SP2: variants seen among roughly 807,000 people sequenced by gnomAD.
SP2 encodes transcription factor Sp2.
In SP2, 9 loss-of-function variants were observed where a neutral mutation model predicts 50.1. The ratio of observed to expected loss-of-function variants is 0.18; its 90% CI spans 0.11 to 0.31. The LOEUF (loss-of-function observed/expected upper bound fraction) is 0.31. Among genes scored for constraint, SP2 ranks in the 10% least tolerant of loss-of-function variants. The probability of loss-of-function intolerance (pLI) is 1.00; values close to 1 mark genes in which losing one functional copy is unlikely to be tolerated. For missense variants in SP2, 581 were observed against 806.5 expected, an observed-to-expected ratio of 0.72 and a Z score of 3.39; for synonymous variants, 313 against 326.6, an observed-to-expected ratio of 0.96 and a Z score of 0.45.
intron 4 of SP2, 31 bp downstream of exon 4, chr17:47,923,305 G>A (rs1211948291): frequency 6.4e-7 from 1 of 1,566,534 alleles, no homozygotes; most frequent in Non-Finnish European, 8.6e-7. Context: ...CAGGGTGTTG[G>A]CAGTGGTACC....
At chr17:47,930,589 C>T (rs181851550), downstream of SP2, among the ~76,000 whole-genome samples, 1 of 152,336 alleles carries the variant, frequency 6.6e-6, no homozygotes, top group African/African-American at 2.4e-5. Flanking sequence ...ACAAGGAAAG[C>T]ACAGAAAGAC....
rs758565733 is a variant in SP2 at position 47,916,279 on chromosome 17, A to G, written c.208A>G (p.Ile70Val). 1 of 1,613,966 alleles carries G rather than the reference A, an allele frequency of 6.2e-7. No individual in the cohort carries two copies. The highest frequency in any genetic ancestry group is 8.5e-7 in the Non-Finnish European group (1 of 1,179,984). Residue 70 changes from isoleucine (I) to valine (V), a missense_variant, in exon 3 of 7, where the codon ATC (isoleucine) becomes GTC (valine). By Grantham distance (29) the Ile-to-Val change is conservative (BLOSUM62 3). This residue lies in a region of SP2 where 397 missense variants were observed against 491.0 expected (regional missense o/e 0.81). Transcript: ENST00000376741. This position sits in a 1 kb window ranked among gnomAD's most constrained non-coding sequence, Gnocchi z 4.7. Reference protein sequence around the residue: ...PQPTPRKLVPIKPAPLPLSPG... With the variant: ...PQPTPRKLVPVKPAPLPLSPG... ...GCCCACACCGCGGAAACTTGTCCCT[A>G]TCAAACCTGCCCCTCTCCCTCTCAG...
At chr17:47,915,285 AT>A in intron 1 of SP2, 26 bp from the exon 2 acceptor site, 1 of 1,551,750 alleles carries the variant, frequency 6.4e-7, no homozygotes, top group Non-Finnish European at 8.8e-7. Context: ...CATTTTATAC[AT>A]TACTCCATCT....
At chr17:47,922,293 C>T (rs1021366127) in intron 3 of SP2, among the ~76,000 whole-genome samples, 3 of 152,200 alleles carry the variant, frequency 2.0e-5, no homozygotes, top group African/African-American at 7.2e-5. Context: ...TTGTCCTGCT[C>T]AGCCTCTAAT....
intron 1 of SP2, chr17:47,908,509 C>A (rs2034852005): frequency 6.6e-6 from 1 of 151,906 alleles, no homozygotes; most frequent in Non-Finnish European, 1.5e-5. Flanking sequence ...GTATAAAAAT[C>A]TTTTTTTTAA....
intron 1 of SP2, among the ~76,000 whole-genome samples, chr17:47,910,448 A>G (rs1037058853): frequency 5.9e-5 from 9 of 151,984 alleles, no homozygotes; most frequent in African/African-American, 2.2e-4. Flanking sequence ...GAACACTACC[A>G]CTCTAAAGGA....
At position 47,916,583 on chromosome 17, in the gene SP2, C is replaced by T. The variant is rs746570213; in HGVS notation, c.512C>T (p.Pro171Leu). Residue 171 changes from proline (P) to leucine (L), a missense_variant, in exon 3 of 7, where the codon CCG becomes CTG. By Grantham distance (98) the Pro-to-Leu change is moderately conservative. This residue lies in a region of SP2 where 397 missense variants were observed against 491.0 expected (regional missense o/e 0.81). Coordinates refer to ENST00000376741, the MANE Select transcript of SP2 (RefSeq NM_003110.6). This position sits in a 1 kb window ranked among gnomAD's most constrained non-coding sequence, Gnocchi z 4.7. Reference protein sequence around the residue: ...GTNQAIITPSPSSHKPVPIKP... With the variant: ...GTNQAIITPSLSSHKPVPIKP... The stretch of plus-strand genomic sequence containing the variant: ...AACCAAGCCATCATCACCCCCTCAC[C>T]GTCCAGTCACAAGCCTGTCCCCATC... 3.7e-6 allele frequency: 6 copies of T among 1,614,132 alleles called. No homozygotes were observed. The highest frequency in any genetic ancestry group is 3.3e-4 in the Middle Eastern group (2 of 6,062).
intron 4 of SP2, 139 bp from the exon 5 acceptor site, chr17:47,924,780 A>C (rs1342112013): frequency 1.3e-5 from 9 of 719,694 alleles, no homozygotes; most frequent in African/African-American, 1.8e-5. Context: ...AAAGGTCCTT[A>C]AAATGATATC....
intron 2 of SP2, 143 bp downstream of exon 2, chr17:47,915,531 G>T: frequency 1.9e-6 from 1 of 517,676 alleles, no homozygotes. Flanking sequence ...TTTCTTTACT[G>T]AGAAACTATG....
At chr17:47,921,584 G>T (rs2035460073) in intron 3 of SP2, among the ~76,000 whole-genome samples, 2 of 152,216 alleles carry the variant, frequency 1.3e-5, no homozygotes, top group South Asian at 2.1e-4. Flanking sequence ...GTTATAATCT[G>T]TTAAGATTAT....
chr17:47,897,916 C>A, intron 1 of SP2: 1 of 973,648 alleles, frequency 1.0e-6, no homozygotes, highest in Non-Finnish European at 1.2e-6. Context: ...TTATCATTGG[C>A]TGGGACGATT....
rs1179672858 is a variant in SP2, at chr17:47,928,738, T to C, written c.*914T>C. 6.5e-6 allele frequency: 1 copy of C among 152,672 alleles called. No homozygotes were observed. The highest frequency in any genetic ancestry group is 1.5e-5 in the Non-Finnish European group (1 of 68,046). 9.5% of individuals were successfully genotyped at this position (152,672 alleles called of 1,614,324 possible). A position where few individuals can be genotyped will look rare whatever the true frequency, so the allele number is the denominator to read the frequency against. On this transcript the variant is annotated 3_prime_UTR_variant, in exon 7 of 7. Transcript: ENST00000376741. ...CAGTGTATATTGTATAATAGACAAT[T>C]GTGTCTACTACATGTTTAAAAACAC...
chr17:47,898,984 A>T (rs1281744130), intron 1 of SP2: 1 of 152,250 alleles, frequency 6.6e-6, no homozygotes, highest in Non-Finnish European at 1.5e-5. Flanking sequence ...ACCAGTATCC[A>T]GTACATTTCT....
At chr17:47,907,583 A>G (rs16949296) in intron 1 of SP2, among the ~76,000 whole-genome samples, 18,757 of 152,206 alleles carry the variant, frequency 0.12, 1,483 homozygotes, top group East Asian at 0.24. Flanking sequence ...TTTGAAAGCA[A>G]TGCAGCTTTT....
chr17:47,898,430 A>C (rs888876090), intron 1 of SP2: 15 of 152,228 alleles, frequency 9.9e-5, no homozygotes, highest in African/African-American at 3.4e-4. Context: ...GATCCCAAGT[A>C]CTGTCAGCAA....
rs1951053589 is a variant in SP2, at chr17:47,922,953, C to G, written c.1060-9C>G. The G allele has an allele frequency of 3.1e-6, 5 of 1,596,288 alleles. No homozygotes were observed. Among genetic ancestry groups the G allele is most frequent in the Non-Finnish European group, 4.3e-6 (5 of 1,168,628 alleles). On this transcript the variant is annotated splice_polypyrimidine_tract_variant and intron_variant, in intron 3 of 6. Transcript: ENST00000376741. ...CAGGCACTGATTTTTTTTCTCTGGC[C>G]CCTCCCAGGTCTACATCCGCACGCC...
chr17:47,927,657 C>A, intron 6 of SP2, 67 bp from the exon 7 acceptor site: 1 of 1,104,826 alleles, frequency 9.1e-7, no homozygotes, highest in Non-Finnish European at 1.3e-6. Flanking sequence ...ACACGCACCC[C>A]ACCTTTTTGG....
chr17:47,924,215 A>G (rs2035566114), intron 4 of SP2, among the ~76,000 whole-genome samples: 1 of 151,992 alleles, frequency 6.6e-6, no homozygotes. Context: ...ATGACAATGC[A>G]GCCTCAGCCT....
chr17:47,908,912 G>T (rs903307042), intron 1 of SP2, among the ~76,000 whole-genome samples: 2 of 152,174 alleles, frequency 1.3e-5, no homozygotes, highest in Non-Finnish European at 2.9e-5. Context: ...TCAACATCCT[G>T]ACTCCAGCAG....
Sources: gnomAD v4.1 joint callset for allele counts (sites outside exome capture counted in the v4.1 genomes callset) on GRCh38, gnomAD v4.1.1 for gene constraint, gnomAD v4.1.1 regional missense constraint, Gnocchi (gnomAD v3.1) non-coding constraint, MANE v1.5 for transcripts, NCBI Gene and HGNC (gene_info 2026-07-23, HGNC 2026-07-21) for gene names.